The following VSIG4 variants were observed in gnomAD, a reference collection of about 807,000 sequenced individuals.
VSIG4 encodes the protein V-set and immunoglobulin domain-containing protein 4.
A neutral mutation model predicts 23.4 loss-of-function variants in VSIG4; 34 were observed. The ratio of observed to expected loss-of-function variants is 1.45; its 90% CI spans 1.10 to 1.93. The LOEUF (loss-of-function observed/expected upper bound fraction) is 1.93, where lower values mean the gene tolerates loss of function less well. VSIG4 is among the 30% of genes most tolerant of loss of function. VSIG4 has a pLI of 0.00. For synonymous variants in VSIG4, 169 were observed against 120.3 expected, an observed-to-expected ratio of 1.41 and a Z score of -2.65; for missense variants, 433 against 310.8, an observed-to-expected ratio of 1.39 and a Z score of -2.96.
Position 66,022,312 on chromosome X carries a change from A to G in VSIG4, c.1151T>C (p.Val384Ala). 6.6e-6 allele frequency: 8 copies of G among 1,212,331 alleles called. No individual in the cohort carries two copies. In the Middle Eastern group the frequency reaches 1.8e-3, roughly 279 times the overall value. ...GGCCAGAAACTCATAATCCAGAGGA[A>G]CTGTGTCCAGCAGGCGGGCGTAGTT... ...NGNYARLLDT[V>A]PLDYEFLATE... The change falls in exon 8 of 8, where the codon GTT becomes GCT. Residue 384 changes from valine to alanine, a missense_variant. Physicochemically the swap from Val to Ala is moderately conservative, Grantham distance 64 (BLOSUM62 0). Transcript: ENST00000374737.
At chrX:66,034,127 C>A (rs1317347506) in intron 1 of VSIG4, among the ~76,000 whole-genome samples, 3 of 111,987 alleles carry the variant, frequency 2.7e-5, no homozygotes, top group Non-Finnish European at 5.6e-5. Flanking sequence ...GTGGAAGATT[C>A]ATTTACTTCA....
chrX:66,028,072 T>TG lies in VSIG4; in HGVS notation c.734dup (p.Thr246AsnfsTer21). On this transcript the variant is annotated frameshift_variant, in exon 4 of 8. Coordinates refer to ENST00000374737, the MANE Select transcript of VSIG4 (RefSeq NM_007268.3). LOFTEE classifies it high-confidence loss of function. The stretch of plus-strand genomic sequence containing the variant: ...CACCTTTCAAGGGGTATGTCATGGT[T>TG]GTAGGTGCCTCAGTCTTGGTCTTGA... The TG allele has an allele frequency of 8.3e-7, 1 of 1,210,977 alleles. No individual in the cohort carries two copies. The highest frequency in any genetic ancestry group is 1.1e-6 in the Non-Finnish European group (1 of 894,976).
intron 4 of VSIG4, among the ~76,000 whole-genome samples, chrX:66,027,795 G>A (rs1379447111): frequency 8.9e-6 from 1 of 112,305 alleles, no homozygotes; most frequent in East Asian, 2.8e-4. Flanking sequence ...ATAGAATTTA[G>A]TGTTCTTGTT....
chrX:66,028,283 A>G (rs945011355), intron 3 of VSIG4, among the ~76,000 whole-genome samples, 171 bp from the exon 4 acceptor site: 1 of 112,008 alleles, frequency 8.9e-6, no homozygotes, highest in African/African-American at 3.2e-5. Context: ...TCTTTCATAC[A>G]TCAATCAAGG....
rs1486631160 is a variant in VSIG4 at position 66,022,121 on chromosome X, C to T, written c.*142G>A. 8.5e-7 allele frequency: 1 copy of T among 1,180,280 alleles called. No homozygotes were observed. On this transcript the variant is annotated 3_prime_UTR_variant, in exon 8 of 8. Transcript: ENST00000374737. ...GCATCTGGCAAATTCCAGGGCAAAG[C>T]CAGTGACTCCCAGCGGCTCCAGTGT...
chrX:66,039,625 G>A (rs2085660092), intron 1 of VSIG4, among the ~76,000 whole-genome samples: 2 of 112,195 alleles, frequency 1.8e-5, no homozygotes, highest in South Asian at 3.7e-4. Context: ...TTAGATGAGA[G>A]ACAGCAGATG....
chrX:66,025,877 A>C (rs1292083217), intron 5 of VSIG4, among the ~76,000 whole-genome samples: 1 of 112,384 alleles, frequency 8.9e-6, no homozygotes, highest in Non-Finnish European at 1.9e-5. Flanking sequence ...CAAGGAAATT[A>C]ATTCTTCTCC....
intron 3 of VSIG4, among the ~76,000 whole-genome samples, chrX:66,028,932 C>T (rs775056405): frequency 4.5e-5 from 5 of 110,891 alleles, no homozygotes; most frequent in South Asian, 3.8e-4. Flanking sequence ...GGATAATAGG[C>T]GAGAAAACAA....
At chrX:66,036,802 T>A (rs1478846290) in intron 1 of VSIG4, among the ~76,000 whole-genome samples, 2 of 39,816 alleles carry the variant, frequency 5.0e-5, no homozygotes, top group African/African-American at 2.5e-4. Flanking sequence ...TATAATATAT[T>A]ATATAATATT....
rs1191123524 is a variant in VSIG4 at position 66,033,764 on chromosome X, C to T, written c.122G>A (p.Cys41Tyr). ...GPWKGDVNLP[C>Y]TYDPLQGYTQ... ...GTAGCCTTGCAGGGGGTCATAGGTGCAGGGAAGATTCACATCCCCTTTCCA... is the reference window on the plus strand; with the variant it reads ...GTAGCCTTGCAGGGGGTCATAGGTGTAGGGAAGATTCACATCCCCTTTCCA... The change falls in exon 2 of 8, where the codon TGC (cysteine) becomes TAC (tyrosine). Residue 41 changes from cysteine to tyrosine, a missense_variant. Transcript: ENST00000374737. The T allele has an allele frequency of 8.3e-6, 10 of 1,211,382 alleles. No homozygotes were observed. The highest frequency in any genetic ancestry group is 1.1e-5 in the Non-Finnish European group (10 of 895,386).
intron 5 of VSIG4, 112 bp downstream of exon 5, chrX:66,027,337 C>T (rs1301746396): frequency 4.7e-6 from 3 of 642,909 alleles, no homozygotes; most frequent in South Asian, 2.5e-5. Context: ...TGGCACATAG[C>T]AGGTAATGAT....
intron 1 of VSIG4, among the ~76,000 whole-genome samples, chrX:66,036,824 TATATATAATATG>T (rs1329791200): frequency 5.0e-5 from 2 of 39,608 alleles, no homozygotes; most frequent in African/African-American, 2.5e-4. Context: ...TATATTATTA[TATATATAATATG>T]TTATATAATA....
chrX:66,030,944 G>A (rs1315810524), intron 3 of VSIG4, among the ~76,000 whole-genome samples: 6 of 110,963 alleles, frequency 5.4e-5, no homozygotes, highest in African/African-American at 1.6e-4. Context: ...TGAAAGGGCT[G>A]AGAGTTCCGT....
intron 1 of VSIG4, among the ~76,000 whole-genome samples, chrX:66,038,554 A>G (rs1371613095): frequency 1.8e-5 from 2 of 110,917 alleles, no homozygotes; most frequent in Non-Finnish European, 3.8e-5. Context: ...ATTTAAATTT[A>G]ACATTTCTAA....
chrX:66,036,088 G>A (rs2085535381), intron 1 of VSIG4, among the ~76,000 whole-genome samples: 1 of 111,347 alleles, frequency 9.0e-6, no homozygotes, highest in Non-Finnish European at 1.9e-5. Context: ...GGACAGAGTT[G>A]GTAACTAGAC....
intron 3 of VSIG4, 134 bp from the exon 4 acceptor site, chrX:66,028,246 G>T (rs944663795): frequency 3.9e-6 from 2 of 518,509 alleles, no homozygotes; most frequent in African/African-American, 2.3e-5. Flanking sequence ...CTGTCATGAT[G>T]CTGGTAAGTC....
rs148523173 is a variant in VSIG4 at position 66,032,492 on chromosome X, C to T, written c.670G>A (p.Asp224Asn). The T allele has an allele frequency of 3.6e-5, 44 of 1,209,688 alleles. No homozygotes were observed. The highest frequency in any genetic ancestry group is 8.7e-5 in the African/African-American group (5 of 57,190). Reference protein sequence around the residue: ...KGQVGSEQHSDIVKFVVKDSS... With the variant: ...KGQVGSEQHSNIVKFVVKDSS... ...CCTTTGACCACAAACTTCACAATGT[C>T]GCTGTGCTGCTCAGAGCCAACCTGG... is the stretch of plus-strand genomic sequence containing the variant. Residue 224 changes from aspartate to asparagine, a missense_variant, in exon 3 of 8, where the codon GAC becomes AAC. Coordinates refer to ENST00000374737, the MANE Select transcript of VSIG4 (RefSeq NM_007268.3).
chrX:66,023,898 C>T (rs1433163471), intron 6 of VSIG4, among the ~76,000 whole-genome samples: 4 of 112,424 alleles, frequency 3.6e-5, no homozygotes, highest in African/African-American at 1.3e-4. Context: ...TTATGCCCAG[C>T]CTCATCAAGG....
At chrX:66,028,970 A>G (rs896992698) in intron 3 of VSIG4, among the ~76,000 whole-genome samples, 9 of 111,921 alleles carry the variant, frequency 8.0e-5, no homozygotes, top group African/African-American at 2.3e-4. Flanking sequence ...AGCCTTAAAA[A>G]TGGTTGAGGA....
Sources: gnomAD v4.1 joint callset for allele counts (sites outside exome capture counted in the v4.1 genomes callset) on GRCh38, gnomAD v4.1.1 for gene constraint, MANE v1.5 for transcripts, NCBI Gene and HGNC (gene_info 2026-07-23, HGNC 2026-07-21) for gene names.